The following NLRP1 variants were observed in gnomAD, a reference collection of about 807,000 sequenced individuals.
NLRP1 encodes NACHT, LRR and PYD domains-containing protein 1.
Under a neutral mutation model 136.7 loss-of-function variants are expected in NLRP1, and 94 were observed. The ratio of observed to expected loss-of-function variants is 0.69; its 90% CI spans 0.58 to 0.82. The LOEUF (loss-of-function observed/expected upper bound fraction) is 0.82, where lower values mean the gene tolerates loss of function less well. Ranked by LOEUF, NLRP1 falls within the 40% of genes least tolerant of loss-of-function variation. The pLI, the probability that NLRP1 is intolerant of heterozygous loss-of-function variation, is 0.00. For synonymous variants in NLRP1, 690 were observed against 725.1 expected (o/e 0.95, Z 0.78); for missense variants, 1,575 against 1,802.7 (o/e 0.87, Z 2.29).
chr17:5,551,724 A>G (rs71368566), intron 5 of NLRP1, among the ~76,000 whole-genome samples: 10,023 of 152,140 alleles, frequency 0.066, 419 homozygotes, highest in African/African-American at 0.11. Flanking sequence ...GGCCATTCTG[A>G]TAAGTATGTA....
chr17:5,572,705 G>T (rs182199786), intron 3 of NLRP1, among the ~76,000 whole-genome samples: 2 of 104,080 alleles, frequency 1.9e-5, no homozygotes, highest in African/African-American at 3.6e-5. Flanking sequence ...GTGATACTTT[G>T]TCTCAGAAAA....
At chr17:5,562,702 A>G (rs1914895807) in intron 3 of NLRP1, among the ~76,000 whole-genome samples, 1 of 152,204 alleles carries the variant, frequency 6.6e-6, no homozygotes, top group Admixed American at 6.5e-5. Flanking sequence ...AATGTTTTGC[A>G]GTATTCAGTG....
chr17:5,574,528 A>G (rs1429536486), intron 3 of NLRP1, among the ~76,000 whole-genome samples: 1 of 152,188 alleles, frequency 6.6e-6, no homozygotes, highest in Admixed American at 6.5e-5. Context: ...AGCTGAAATG[A>G]AGGAAAAAAT....
At chr17:5,560,073 A>G in intron 3 of NLRP1, 30 bp from the exon 4 acceptor site, 7 of 1,513,150 alleles carry the variant, frequency 4.6e-6, no homozygotes, top group Non-Finnish European at 6.2e-6. Flanking sequence ...AAGGAACATA[A>G]AGGTAGAGAA....
chr17:5,574,240 G>A (rs1476130159), intron 3 of NLRP1, among the ~76,000 whole-genome samples: 2 of 152,174 alleles, frequency 1.3e-5, no homozygotes, highest in Non-Finnish European at 1.5e-5. Context: ...AATGAAGGAA[G>A]AAGAGAAGTT....
intron 8 of NLRP1, among the ~76,000 whole-genome samples, chr17:5,534,803 C>T (rs1426448683): frequency 1.3e-5 from 2 of 152,196 alleles, no homozygotes; most frequent in Admixed American, 1.3e-4. Flanking sequence ...TAACATAGTC[C>T]AAAAGGGCTT....
chr17:5,535,206 C>T (rs1395252582), intron 8 of NLRP1, among the ~76,000 whole-genome samples: 16 of 151,292 alleles, frequency 1.1e-4, no homozygotes, highest in African/African-American at 2.4e-4. Context: ...GGTGACAGAG[C>T]GAGACTCTGT....
At chr17:5,549,437 C>G (rs2151788797) in intron 5 of NLRP1, among the ~76,000 whole-genome samples, 1 of 152,154 alleles carries the variant, frequency 6.6e-6, no homozygotes, top group African/African-American at 2.4e-5. Flanking sequence ...TGCCACCACG[C>G]CCGGCTAATA....
Position 5,530,520 on chromosome 17 carries a change from C to T in NLRP1, c.3481G>A (p.Val1161Met). The T allele has an allele frequency of 6.2e-7, 1 of 1,614,218 alleles. No individual in the cohort carries two copies. The highest frequency in any genetic ancestry group is 1.7e-4 in the Middle Eastern group (1 of 6,046). Reference protein sequence around the residue: ...LLDIKAEPGAVEAVHLPHFVA... With the variant: ...LLDIKAEPGAMEAVHLPHFVA... Reference sequence around the variant, plus strand: ...AAGTGAGGGAGGTGCACAGCTTCCACAGCTCCAGGCTCAGCCTTGATGTCC... The same window carrying T: ...AAGTGAGGGAGGTGCACAGCTTCCATAGCTCCAGGCTCAGCCTTGATGTCC... Residue 1161 changes from valine to methionine, a missense_variant, in exon 12 of 17, where the codon GTG (valine) becomes ATG (methionine). By Grantham distance (21) the Val-to-Met change is conservative (BLOSUM62 1). Coordinates refer to ENST00000572272, the MANE Select transcript of NLRP1 (RefSeq NM_033004.4).
chr17:5,562,265 G>A (rs1023720924), intron 3 of NLRP1, among the ~76,000 whole-genome samples: 2 of 152,228 alleles, frequency 1.3e-5, no homozygotes, highest in Non-Finnish European at 2.9e-5. Context: ...TAGCTGAGCA[G>A]GACTTGCTGG....
rs1905817503 is a variant in NLRP1 at position 5,582,708 on chromosome 17, A to T, written c.410T>A (p.Leu137Ter). 1 of 1,614,000 alleles carries T rather than the reference A, an allele frequency of 6.2e-7. No individual in the cohort carries two copies. Among genetic ancestry groups the T allele is most frequent in the Non-Finnish European group, 8.5e-7 (1 of 1,180,014 alleles). Residue 137 changes from leucine (L) to a stop codon, truncating the protein, a stop_gained, in exon 2 of 17, where the codon TTG becomes TAG. Coordinates refer to ENST00000572272, the MANE Select transcript of NLRP1 (RefSeq NM_033004.4). LOFTEE classifies it high-confidence loss of function. ...TCCAGATGTGTCAGGCAGCTGTCTC[A>T]AAACCCTTCTCTCTGAGCCCTGGGT... ...GCTQGSERRV[L>*]RQLPDTSGRR...
chr17:5,568,683 G>A (rs1233834460), intron 3 of NLRP1, among the ~76,000 whole-genome samples: 5 of 152,130 alleles, frequency 3.3e-5, no homozygotes, highest in Non-Finnish European at 7.4e-5. Context: ...CTTATTTATA[G>A]GCAGCCTTTT....
At chr17:5,546,212 T>C (rs374815856) in intron 5 of NLRP1, among the ~76,000 whole-genome samples, 5 of 152,324 alleles carry the variant, frequency 3.3e-5, no homozygotes, top group African/African-American at 1.2e-4. Flanking sequence ...ATCAGTATCA[T>C]GGATCTGCCA....
chr17:5,534,458 C>T (rs753287983), intron 8 of NLRP1, among the ~76,000 whole-genome samples: 1 of 152,202 alleles, frequency 6.6e-6, no homozygotes, highest in Non-Finnish European at 1.5e-5. Flanking sequence ...GAGCAGCCTC[C>T]ATCCACCCAT....
chr17:5,527,161 A>G (rs964834174), intron 12 of NLRP1, among the ~76,000 whole-genome samples: 1 of 152,146 alleles, frequency 6.6e-6, no homozygotes. Flanking sequence ...GGGGTGTCCA[A>G]TCTTTTGGCT....
Position 5,541,197 on chromosome 17 carries a change from C to T in NLRP1, c.2699+660G>A, listed in dbSNP as rs1451970314. ...AGTAGCTGGGATTACAGGTGCCCACCATCACGCCTGGCTACTTTGTGTAGT... is the reference window on the plus strand; with the variant it reads ...AGTAGCTGGGATTACAGGTGCCCACTATCACGCCTGGCTACTTTGTGTAGT... On this transcript the variant is annotated intron_variant, in intron 6 of 16. Transcript: ENST00000572272. The surrounding 1 kb of genome is among the most constrained non-coding windows in gnomAD (Gnocchi z 4.2). 6.6e-6 allele frequency among the ~76,000 whole-genome samples: 1 copy of T among 152,108 alleles called. No homozygotes were observed. The highest frequency in any genetic ancestry group is 2.4e-5 in the African/African-American group (1 of 41,408).
chr17:5,526,795 A>T (rs930650138), intron 12 of NLRP1, among the ~76,000 whole-genome samples: 1 of 152,162 alleles, frequency 6.6e-6, no homozygotes, highest in African/African-American at 2.4e-5. Context: ...GCTGGGCCCT[A>T]TGACTGCTGG....
At chr17:5,553,632 C>T in intron 4 of NLRP1, 76 bp from the exon 5 acceptor site, 4 of 1,374,744 alleles carry the variant, frequency 2.9e-6, no homozygotes, top group South Asian at 2.6e-5. Context: ...CTGCACAACA[C>T]AGTTGGGCTT....
At chr17:5,509,752 G>A (rs1023474782), downstream of NLRP1, among the ~76,000 whole-genome samples, 11 of 152,160 alleles carry the variant, frequency 7.2e-5, no homozygotes, top group African/African-American at 1.2e-4. Flanking sequence ...TGATTCATCC[G>A]TCTCAGCCTC....
Sources: gnomAD v4.1 joint callset for allele counts (sites outside exome capture counted in the v4.1 genomes callset) on GRCh38, gnomAD v4.1.1 for gene constraint, Gnocchi (gnomAD v3.1) non-coding constraint, MANE v1.5 for transcripts, NCBI Gene and HGNC (gene_info 2026-07-23, HGNC 2026-07-21) for gene names.